The following ABLIM2 variants were observed in gnomAD, a reference collection of about 807,000 sequenced individuals.
ABLIM2 encodes the protein actin-binding LIM protein 2.
ABLIM2 carries 53 observed loss-of-function variants against 97.7 expected under a neutral mutation model. That is an observed-to-expected ratio of 0.54 (90% CI 0.44 to 0.68). ABLIM2 has a LOEUF of 0.68. ABLIM2 is among the 30% of genes least tolerant of loss of function. ABLIM2 has a pLI of 0.00. For synonymous variants in ABLIM2, 361 were observed against 345.8 expected (o/e 1.04, Z -0.49); for missense variants, 835 against 867.2 (o/e 0.96, Z 0.47).
At chr4:8,139,724 C>T (rs1029356987) in intron 1 of ABLIM2, among the ~76,000 whole-genome samples, 2 of 152,086 alleles carry the variant, frequency 1.3e-5, no homozygotes, top group East Asian at 3.8e-4. Flanking sequence ...CCAGAAATAC[C>T]ATTTGAACCG....
rs57271716 is a variant in ABLIM2, at chr4:8,017,671, G to A, written c.1423+1947C>T. On this transcript the variant is annotated intron_variant, in intron 14 of 20. Transcript: ENST00000447017. ...CAGGAATTAACTTGCCTTTGCATAG[G>A]AGAATCATATATAGCCAGATTTTTA... Among the ~76,000 whole-genome samples the A allele has an allele frequency of 4.6e-4, 70 of 152,222 alleles. 1 individual carries two copies. In the East Asian group the frequency reaches 0.011, roughly 25 times the overall value.
At chr4:8,026,836 CAGTGG>C in intron 12 of ABLIM2, among the ~76,000 whole-genome samples, 1 of 150,800 alleles carries the variant, frequency 6.6e-6, no homozygotes, top group African/African-American at 2.4e-5. Context: ...GCTGTGTCTG[CAGTGG>C]CCTTTTACCT....
Position 8,113,994 on chromosome 4 carries a change from A to C in ABLIM2, c.11-7357T>G, listed in dbSNP as rs148641706. ...TCTGGGAGGAGGTGACATAAACTAG[A>C]AGCTCAGAGGATGGACAGGCACCTT... On this transcript the variant is annotated intron_variant, in intron 1 of 20. Transcript: ENST00000447017. The surrounding 1 kb of genome is among the most constrained non-coding windows in gnomAD (Gnocchi z 4.5). Among the ~76,000 whole-genome samples, 28 of 152,218 alleles carry C rather than the reference A, an allele frequency of 1.8e-4. No individual in the cohort carries two copies. The highest frequency in any genetic ancestry group is 3.4e-3 in the Middle Eastern group (1 of 294).
chr4:8,026,074 C>G (rs547451067), intron 12 of ABLIM2, among the ~76,000 whole-genome samples: 1 of 152,202 alleles, frequency 6.6e-6, no homozygotes, highest in African/African-American at 2.4e-5. Context: ...GTGGCACAAT[C>G]GTAGCTCACT....
Position 8,127,717 on chromosome 4 carries a change from G to A in ABLIM2, c.11-21080C>T. ...GCTCCCACAAGGTCACGTGGCAGCT[G>A]CCACCCTCTGCCCGGGGAGGGGCAG... On this transcript the variant is annotated intron_variant, in intron 1 of 20. Coordinates refer to ENST00000447017, the MANE Select transcript of ABLIM2 (RefSeq NM_001130083.2). The surrounding 1 kb of genome is among the most constrained non-coding windows in gnomAD (Gnocchi z 7.3). 8.2e-7 allele frequency: 1 copy of A among 1,226,506 alleles called. No individual in the cohort carries two copies. 76.0% of individuals were successfully genotyped at this position (1,226,506 alleles called of 1,614,324 possible). A position where few individuals can be genotyped will look rare whatever the true frequency, so the allele number is the denominator to read the frequency against.
chr4:8,108,874 C>T (rs1336927136), intron 1 of ABLIM2, among the ~76,000 whole-genome samples: 1 of 152,258 alleles, frequency 6.6e-6, no homozygotes, highest in East Asian at 1.9e-4. Flanking sequence ...CTCCCCCTGT[C>T]TTGGTCTGGG....
chr4:8,129,064 A>G (rs1285736700), intron 1 of ABLIM2, among the ~76,000 whole-genome samples: 1 of 151,130 alleles, frequency 6.6e-6, no homozygotes, highest in African/African-American at 2.4e-5. Flanking sequence ...CAGCACCCCC[A>G]TAGGTTGTGC....
Position 8,130,139 on chromosome 4 carries a change from G to C in ABLIM2, c.11-23502C>G, listed in dbSNP as rs1849156308. ...GGCAGCCCCCAAGAAAGGCCCTGGT[G>C]GTCTCAGCCTGGAAGGGGAACACTC... On this transcript the variant is annotated intron_variant, in intron 1 of 20. Transcript: ENST00000447017. The surrounding 1 kb of genome is among the most constrained non-coding windows in gnomAD (Gnocchi z 4.2). 6.6e-6 allele frequency among the ~76,000 whole-genome samples: 1 copy of C among 152,160 alleles called. No homozygotes were observed. Among genetic ancestry groups the C allele is most frequent in the Non-Finnish European group, 1.5e-5 (1 of 68,036 alleles).
rs1351044234 is a variant in ABLIM2 at position 8,066,128 on chromosome 4, T to C, written c.676-5074A>G. Among the ~76,000 whole-genome samples, 6 of 149,162 alleles carry C rather than the reference T, an allele frequency of 4.0e-5. 1 individual carries two copies. Among genetic ancestry groups the C allele is most frequent in the Admixed American group, 1.3e-4 (2 of 14,932 alleles). The stretch of plus-strand genomic sequence containing the variant: ...CATCCTGGCTAACACGGTGAAACCC[T>C]GTCTCTACTAAAAAAAAATTACAAA... On this transcript the variant is annotated intron_variant, in intron 6 of 20. Transcript: ENST00000447017.
Position 7,995,198 on chromosome 4 carries a change from G to A in ABLIM2, c.1619-2271C>T, listed in dbSNP as rs1752388199. ...AGCATTCTTAAAAGACCTGTCCTGG[G>A]TCCCTAAACTGTCTGTCTTTCCACT... On this transcript the variant is annotated intron_variant, in intron 16 of 20. Transcript: ENST00000447017. Among the ~76,000 whole-genome samples, 4 of 152,214 alleles carry A rather than the reference G, an allele frequency of 2.6e-5. No homozygotes were observed. The South Asian group carries it at 8.3e-4, about 31-fold the overall frequency.
rs1468148954 is a variant in ABLIM2, at chr4:8,123,654, AG to A, written c.11-17018del. ...AACCACCTGCATGACAGAGGCAGCC[AG>A]CCCCTGCCTTAAAGCGGGTCTCCTG... On this transcript the variant is annotated intron_variant, in intron 1 of 20. Coordinates refer to ENST00000447017, the MANE Select transcript of ABLIM2 (RefSeq NM_001130083.2). The surrounding 1 kb of genome is among the most constrained non-coding windows in gnomAD (Gnocchi z 6.2). Among the ~76,000 whole-genome samples the A allele has an allele frequency of 6.6e-6, 1 of 152,234 alleles. No individual in the cohort carries two copies. The highest frequency in any genetic ancestry group is 1.9e-4 in the East Asian group (1 of 5,196).
intron 4 of ABLIM2, among the ~76,000 whole-genome samples, chr4:8,084,080 G>A (rs1821688210): frequency 6.6e-6 from 1 of 152,176 alleles, no homozygotes; most frequent in South Asian, 2.1e-4. Flanking sequence ...ATCTGAGACT[G>A]AGTTTTGGAA....
Position 8,082,174 on chromosome 4 carries a change from C to A in ABLIM2, c.455-1372G>T, listed in dbSNP as rs1442671612. Among the ~76,000 whole-genome samples the A allele has an allele frequency of 1.3e-5, 2 of 152,036 alleles. No individual in the cohort carries two copies. The highest frequency in any genetic ancestry group is 4.8e-5 in the African/African-American group (2 of 41,386). On this transcript the variant is annotated intron_variant, in intron 4 of 20. Transcript: ENST00000447017. The surrounding 1 kb of genome is among the most constrained non-coding windows in gnomAD (Gnocchi z 5.6). The stretch of plus-strand genomic sequence containing the variant: ...CAGGAGCCCCTGAGTAATTCACAGA[C>A]CAAGCAGGGACCCCTCGTGCCCAAG...
rs192682178 is a variant in ABLIM2 at position 8,120,073 on chromosome 4, G to A, written c.11-13436C>T. Among the ~76,000 whole-genome samples, 3 of 152,278 alleles carry A rather than the reference G, an allele frequency of 2.0e-5. No homozygotes were observed. Among genetic ancestry groups the A allele is most frequent in the East Asian group, 1.9e-4 (1 of 5,170 alleles). On this transcript the variant is annotated intron_variant, in intron 1 of 20. Coordinates refer to ENST00000447017, the MANE Select transcript of ABLIM2 (RefSeq NM_001130083.2). This position sits in a 1 kb window ranked among gnomAD's most constrained non-coding sequence, Gnocchi z 5.6. ...TGTTCACAGAGCGACAGGCACAGAC[G>A]TCGGGCGGCAGGGTCCCTGGCGGCC...
Position 7,992,337 on chromosome 4 carries a change from CAA to C in ABLIM2, c.1680+527_1680+528del, listed in dbSNP as rs1297360327. On this transcript the variant is annotated intron_variant, in intron 17 of 20. Transcript: ENST00000447017. The surrounding 1 kb of genome is among the most constrained non-coding windows in gnomAD (Gnocchi z 5.7). ...GCACCAGTCTTCAGCTAGGGGCAGC[CAA>C]AGAGCCTGACTTCAAGTTAATCCAA... Among the ~76,000 whole-genome samples the C allele has an allele frequency of 2.0e-5, 3 of 152,086 alleles. No individual in the cohort carries two copies. The highest frequency in any genetic ancestry group is 7.2e-5 in the African/African-American group (3 of 41,404).
In ABLIM2 at chr4:7,984,691, C is replaced by G. The variant is rs28379783; in HGVS notation, c.1735+148G>C. 307 of 805,728 alleles carry G rather than the reference C, an allele frequency of 3.8e-4. 2 individuals are homozygous for G. In the African/African-American group the frequency reaches 4.9e-3, roughly 13 times the overall value. The allele number at this position is 805,728 out of a possible 1,614,324, so 49.9% of individuals were successfully genotyped here. A position where few individuals can be genotyped will look rare whatever the true frequency, so the allele number is the denominator to read the frequency against. On this transcript the variant is annotated intron_variant, in intron 18 of 20. Coordinates refer to ENST00000447017, the MANE Select transcript of ABLIM2 (RefSeq NM_001130083.2). ...CTTTTGGCCAGGAGAGGCAGGGAAACCAGCACGCCCTCCCCCGAGGTGTCC... is the reference window on the plus strand; with the variant it reads ...CTTTTGGCCAGGAGAGGCAGGGAAAGCAGCACGCCCTCCCCCGAGGTGTCC...
chr4:7,990,528 A>AT (rs1215728102), intron 17 of ABLIM2, among the ~76,000 whole-genome samples: 1 of 151,794 alleles, frequency 6.6e-6, no homozygotes, highest in Non-Finnish European at 1.5e-5. Flanking sequence ...TTTTGATGTA[A>AT]TTTTCTCCAT....
intron 17 of ABLIM2, among the ~76,000 whole-genome samples, chr4:7,989,858 T>C (rs1747268482): frequency 6.6e-6 from 1 of 152,200 alleles, no homozygotes; most frequent in South Asian, 2.1e-4. Flanking sequence ...AGACACATGG[T>C]ATGCATCAGA....
chr4:8,017,325 C>T (rs534360073), intron 14 of ABLIM2, among the ~76,000 whole-genome samples: 3 of 151,204 alleles, frequency 2.0e-5, no homozygotes, highest in African/African-American at 4.9e-5. Flanking sequence ...GAGAGAGTCT[C>T]ACTCTGTCAC....
Sources: gnomAD v4.1 joint callset for allele counts (sites outside exome capture counted in the v4.1 genomes callset) on GRCh38, gnomAD v4.1.1 for gene constraint, Gnocchi (gnomAD v3.1) non-coding constraint, MANE v1.5 for transcripts, NCBI Gene and HGNC (gene_info 2026-07-23, HGNC 2026-07-21) for gene names.